Variants in ARID4B observed in about 807,000 individuals in gnomAD.
The protein encoded by ARID4B is AT-rich interaction domain 4B, also known as AT-rich interactive domain-containing protein 4B.
Under a neutral mutation model 147.5 loss-of-function variants are expected in ARID4B, and 26 were observed. The ratio of observed to expected loss-of-function variants is 0.18; its 90% CI spans 0.13 to 0.24. The LOEUF (loss-of-function observed/expected upper bound fraction) is 0.24. Ranked by LOEUF, ARID4B falls within the 10% of genes least tolerant of loss-of-function variation. ARID4B has a pLI of 1.00. For synonymous variants in ARID4B, 512 were observed against 507.9 expected (o/e 1.01, Z -0.11); for missense variants, 1,179 against 1,511.5 (o/e 0.78, Z 3.65).
intron 8 of ARID4B, among the ~76,000 whole-genome samples, chr1:235,239,388 CAG>C (rs1195452747): frequency 6.6e-6 from 1 of 152,192 alleles, no homozygotes; most frequent in Non-Finnish European, 1.5e-5. Context: ...CTTATTGCCA[CAG>C]AGTTAAATCT....
rs544936339 is a variant in ARID4B at position 235,284,189 on chromosome 1, A to G, written c.7-23437T>C. ...CAGCCTGGCCAACATGTGAAACCCC[A>G]TCTCTACTAAACATACAAAAATTAG... is the stretch of plus-strand genomic sequence containing the variant. On this transcript the variant is annotated intron_variant, in intron 2 of 23. Transcript: ENST00000264183. Among the ~76,000 whole-genome samples the G allele has an allele frequency of 4.6e-5, 7 of 152,214 alleles. No homozygotes were observed. In the East Asian group the frequency reaches 1.4e-3, roughly 30 times the overall value.
At chr1:235,202,927 G>A (rs1006245831) in intron 17 of ARID4B, among the ~76,000 whole-genome samples, 1 of 152,048 alleles carries the variant, frequency 6.6e-6, no homozygotes, top group South Asian at 2.1e-4. Context: ...CACCTCTAAG[G>A]TATCTATTAT....
chr1:235,296,965 C>G (rs1558289595), intron 2 of ARID4B, among the ~76,000 whole-genome samples: 1 of 151,922 alleles, frequency 6.6e-6, no homozygotes, highest in Non-Finnish European at 1.5e-5. Context: ...CTCTAAAAAC[C>G]ATTTCCCACT....
rs200985124 is a variant in ARID4B at position 235,206,628 on chromosome 1, G to C, written c.1841+7141C>G. Among the ~76,000 whole-genome samples, 13 of 152,262 alleles carry C rather than the reference G, an allele frequency of 8.5e-5. No homozygotes were observed. In the East Asian group the frequency reaches 2.5e-3, roughly 29 times the overall value. On this transcript the variant is annotated intron_variant, in intron 17 of 23. Coordinates refer to ENST00000264183, the MANE Select transcript of ARID4B (RefSeq NM_016374.6). ...TAAACAAGAAAAATGGTTGTAGCTG[G>C]AGCAGCTGGAGCCCAAGCAAAGCAT...
intron 2 of ARID4B, among the ~76,000 whole-genome samples, chr1:235,309,433 GC>G (rs546649422): frequency 0.022 from 3,236 of 146,352 alleles, 164 homozygotes; most frequent in African/African-American, 0.08. Context: ...GGGGGGGTCA[GC>G]CCCCCGCCCG....
intron 2 of ARID4B, among the ~76,000 whole-genome samples, chr1:235,283,058 G>A (rs12410576): frequency 0.28 from 42,152 of 152,164 alleles, 7,386 homozygotes; most frequent in South Asian, 0.53. Flanking sequence ...TTACAGGCGT[G>A]AGCCACCGCA....
At position 235,283,537 on chromosome 1, in the gene ARID4B, T is replaced by A. The variant is rs185808041; in HGVS notation, c.7-22785A>T. On this transcript the variant is annotated intron_variant, in intron 2 of 23. Transcript: ENST00000264183. Reference sequence around the variant, plus strand: ...GATTTTCTGGATTTTCCATACTTTCTACCATGAGTTTTTTAATAACCAGAA... The same window carrying A: ...GATTTTCTGGATTTTCCATACTTTCAACCATGAGTTTTTTAATAACCAGAA... Among the ~76,000 whole-genome samples the A allele has an allele frequency of 6.9e-3, 1,055 of 152,292 alleles. 8 individuals are homozygous for A. Among genetic ancestry groups the A allele is most frequent in the Non-Finnish European group, 0.011 (748 of 68,010 alleles).
intron 2 of ARID4B, among the ~76,000 whole-genome samples, chr1:235,307,306 G>T (rs1483458377): frequency 6.6e-6 from 1 of 152,116 alleles, no homozygotes; most frequent in Non-Finnish European, 1.5e-5. Flanking sequence ...TTAGCTGAAT[G>T]TGGTGGCGCA....
intron 2 of ARID4B, among the ~76,000 whole-genome samples, chr1:235,262,621 T>C (rs1670360524): frequency 2.6e-5 from 4 of 152,140 alleles, no homozygotes; most frequent in Non-Finnish European, 4.4e-5. Context: ...CCAGGCATAC[T>C]AGTGGCTTTA....
At chr1:235,212,153 A>G (rs1026005728) in intron 17 of ARID4B, among the ~76,000 whole-genome samples, 1 of 152,110 alleles carries the variant, frequency 6.6e-6, no homozygotes, top group Non-Finnish European at 1.5e-5. Flanking sequence ...GCTGCAGCAC[A>G]AGAATCGCTT....
chr1:235,232,960 C>T (rs984343017), intron 9 of ARID4B, among the ~76,000 whole-genome samples: 6 of 152,100 alleles, frequency 3.9e-5, no homozygotes, highest in Non-Finnish European at 8.8e-5. Context: ...GCCTCAGCCT[C>T]CCTAGTAGCT....
intron 6 of ARID4B, among the ~76,000 whole-genome samples, chr1:235,249,675 C>T (rs1262128401): frequency 6.6e-6 from 1 of 151,788 alleles, no homozygotes; most frequent in African/African-American, 2.4e-5. Flanking sequence ...GGCACGGTGG[C>T]TCACACCTGT....
chr1:235,255,220 T>TATATATATAGATAGAG, intron 5 of ARID4B, among the ~76,000 whole-genome samples: 1 of 62,350 alleles, frequency 1.6e-5, no homozygotes, highest in Admixed American at 1.8e-4. Context: ...TGCTGGGAGC[T>TATATATATAGATAGAG]AGATAGATAG....
intron 2 of ARID4B, among the ~76,000 whole-genome samples, chr1:235,316,697 T>G (rs1674461505): frequency 1.3e-5 from 2 of 151,884 alleles, no homozygotes; most frequent in South Asian, 4.1e-4. Context: ...CAGGCGCCTG[T>G]AATCCCAGCT....
intron 10 of ARID4B, among the ~76,000 whole-genome samples, chr1:235,229,712 C>T (rs1441255032): frequency 1.3e-5 from 2 of 152,178 alleles, no homozygotes; most frequent in Non-Finnish European, 2.9e-5. Flanking sequence ...TACAGGAAAT[C>T]ATGTAATATC....
At chr1:235,254,275 GA>G (rs905072760) in intron 5 of ARID4B, among the ~76,000 whole-genome samples, 5 of 151,978 alleles carry the variant, frequency 3.3e-5, no homozygotes, top group Non-Finnish European at 5.9e-5. Flanking sequence ...ATCAAACTCT[GA>G]AATCACGAAA....
intron 16 of ARID4B, 116 bp from the exon 17 acceptor site, chr1:235,214,142 C>T: frequency 3.2e-6 from 4 of 1,269,658 alleles, no homozygotes; most frequent in Non-Finnish European, 4.2e-6. Context: ...AAAGCAGGTT[C>T]CACGTGTATG....
intron 2 of ARID4B, among the ~76,000 whole-genome samples, chr1:235,293,390 T>C (rs992670419): frequency 6.6e-6 from 1 of 152,198 alleles, no homozygotes; most frequent in African/African-American, 2.4e-5. Flanking sequence ...AAAGTAGACA[T>C]TAAACATTTT....
chr1:235,191,728 T>C (rs1010322973), intron 19 of ARID4B, among the ~76,000 whole-genome samples: 1 of 152,180 alleles, frequency 6.6e-6, no homozygotes. Flanking sequence ...AAAGCCTTCA[T>C]CTGAGCCTTC....
Sources: gnomAD v4.1 joint callset for allele counts (sites outside exome capture counted in the v4.1 genomes callset) on GRCh38, gnomAD v4.1.1 for gene constraint, MANE v1.5 for transcripts, NCBI Gene and HGNC (gene_info 2026-07-23, HGNC 2026-07-21) for gene names.